TRABD2B: variants seen among roughly 807,000 people sequenced by gnomAD.
The protein encoded by TRABD2B is metalloprotease TIKI2.
In TRABD2B, 14 loss-of-function variants were observed where a neutral mutation model predicts 40.1. The observed-to-expected ratio is 0.35, with a 90% CI of 0.23 to 0.55. The LOEUF (loss-of-function observed/expected upper bound fraction) is 0.55. Ranked by LOEUF, TRABD2B falls within the 20% of genes least tolerant of loss-of-function variation. The pLI, the probability that TRABD2B is intolerant of heterozygous loss-of-function variation, is 0.90. For synonymous variants in TRABD2B, 263 were observed against 277.0 expected, an observed-to-expected ratio of 0.95 and a Z score of 0.50; for missense variants, 541 against 648.6, an observed-to-expected ratio of 0.83 and a Z score of 1.80.
chr1:47,865,380 G>A (rs545791007), intron 2 of TRABD2B, among the ~76,000 whole-genome samples: 27 of 152,088 alleles, frequency 1.8e-4, no homozygotes, highest in Admixed American at 1.6e-3. Context: ...TCGCAGTACT[G>A]ATTTATAGGG....
chr1:47,865,703 G>T (rs1303829856), intron 2 of TRABD2B, among the ~76,000 whole-genome samples: 1 of 152,132 alleles, frequency 6.6e-6, no homozygotes, highest in African/African-American at 2.4e-5. Context: ...TAGACCTGCA[G>T]GTTTCTAATG....
chr1:47,893,087 C>T (rs1207222910), intron 2 of TRABD2B, among the ~76,000 whole-genome samples: 3 of 152,172 alleles, frequency 2.0e-5, no homozygotes, highest in Admixed American at 1.3e-4. Flanking sequence ...TATGTCCAGA[C>T]GCAGTGTCAT....
chr1:47,778,736 T>C (rs1644481464), intron 4 of TRABD2B, among the ~76,000 whole-genome samples, 192 bp from the exon 5 acceptor site: 1 of 152,198 alleles, frequency 6.6e-6, no homozygotes, highest in South Asian at 2.1e-4. Context: ...TGGGTTCAAA[T>C]CCTGGCTCTG....
intron 1 of TRABD2B, among the ~76,000 whole-genome samples, chr1:47,995,676 A>G (rs1247183882): frequency 6.6e-6 from 1 of 152,338 alleles, no homozygotes; most frequent in East Asian, 1.9e-4. Flanking sequence ...AGACCAACTC[A>G]TAACACTTTT....
chr1:47,800,764 T>C (rs992174847), intron 3 of TRABD2B, among the ~76,000 whole-genome samples: 2 of 152,066 alleles, frequency 1.3e-5, no homozygotes, highest in Non-Finnish European at 2.9e-5. Flanking sequence ...CATATGACTA[T>C]GACCAAGTGG....
chr1:47,907,515 T>A (rs971457869), intron 2 of TRABD2B, among the ~76,000 whole-genome samples: 1 of 152,178 alleles, frequency 6.6e-6, no homozygotes, highest in Non-Finnish European at 1.5e-5. Flanking sequence ...GGCTCCAACA[T>A]GAGTTAGGAC....
intron 2 of TRABD2B, among the ~76,000 whole-genome samples, chr1:47,988,705 C>G (rs1203823555): frequency 6.6e-6 from 1 of 152,174 alleles, no homozygotes; most frequent in Non-Finnish European, 1.5e-5. Flanking sequence ...CCTAGGCTCT[C>G]CAAAATATGG....
chr1:47,822,862 G>A (rs1202874538), intron 2 of TRABD2B, among the ~76,000 whole-genome samples: 1 of 152,190 alleles, frequency 6.6e-6, no homozygotes, highest in Non-Finnish European at 1.5e-5. Context: ...CCTGATCCAG[G>A]TGGTCTCGTA....
rs78842410 is a variant in TRABD2B at position 47,878,606 on chromosome 1, C to T, written c.667-76987G>A. Among the ~76,000 whole-genome samples, 8 of 152,250 alleles carry T rather than the reference C, an allele frequency of 5.3e-5. No individual in the cohort carries two copies. The East Asian group carries it at 1.4e-3, about 26-fold the overall frequency. ...AAGCAATAGCATTTATATGACACTACTACATTTTTAAAAATTAAAGGAATG... is the reference window on the plus strand; with the variant it reads ...AAGCAATAGCATTTATATGACACTATTACATTTTTAAAAATTAAAGGAATG... On this transcript the variant is annotated intron_variant, in intron 2 of 6. Coordinates refer to ENST00000606738, the MANE Select transcript of TRABD2B (RefSeq NM_001194986.2).
intron 2 of TRABD2B, among the ~76,000 whole-genome samples, chr1:47,863,157 G>GT (rs1220019099): frequency 6.6e-6 from 1 of 151,586 alleles, no homozygotes; most frequent in Non-Finnish European, 1.5e-5. Context: ...CAGTTTGGTG[G>GT]TGACTTTTTA....
chr1:47,901,934 T>G (rs72898135), intron 2 of TRABD2B, among the ~76,000 whole-genome samples: 3,297 of 152,170 alleles, frequency 0.022, 60 homozygotes, highest in South Asian at 0.06. Flanking sequence ...AACTCACCTG[T>G]GGGGCAAGGA....
At chr1:47,866,993 C>T (rs950762255) in intron 2 of TRABD2B, among the ~76,000 whole-genome samples, 3 of 152,052 alleles carry the variant, frequency 2.0e-5, no homozygotes, top group Admixed American at 6.5e-5. Flanking sequence ...AGGAGGAGGC[C>T]GCCCTACACT....
chr1:47,824,719 G>C (rs1034867833), intron 2 of TRABD2B, among the ~76,000 whole-genome samples: 1 of 152,194 alleles, frequency 6.6e-6, no homozygotes, highest in Non-Finnish European at 1.5e-5. Flanking sequence ...GGTGACATTC[G>C]AGGCTCCTGG....
intron 3 of TRABD2B, among the ~76,000 whole-genome samples, chr1:47,796,657 G>A (rs926203938): frequency 2.0e-5 from 3 of 152,218 alleles, no homozygotes; most frequent in African/African-American, 7.2e-5. Context: ...CTGACTCACC[G>A]CTCTGGGATG....
chr1:47,929,472 AT>A (rs2124757354), intron 2 of TRABD2B, among the ~76,000 whole-genome samples: 1 of 152,252 alleles, frequency 6.6e-6, no homozygotes, highest in South Asian at 2.1e-4. Context: ...CTTGCTCCCC[AT>A]TTCATTCTCA....
At chr1:47,978,193 T>C (rs1367013254) in intron 2 of TRABD2B, among the ~76,000 whole-genome samples, 1 of 152,114 alleles carries the variant, frequency 6.6e-6, no homozygotes, top group African/African-American at 2.4e-5. Flanking sequence ...GAAGGGGCCA[T>C]AGTTCTCCCC....
At chr1:47,836,716 G>T (rs1645323245) in intron 2 of TRABD2B, among the ~76,000 whole-genome samples, 1 of 152,220 alleles carries the variant, frequency 6.6e-6, no homozygotes, top group African/African-American at 2.4e-5. Flanking sequence ...CCTTTGGGAG[G>T]TAATTAGGTT....
chr1:47,831,891 T>C (rs1645254753), intron 2 of TRABD2B, among the ~76,000 whole-genome samples: 1 of 152,138 alleles, frequency 6.6e-6, no homozygotes, highest in Non-Finnish European at 1.5e-5. Context: ...ACTCATTCAA[T>C]GAGATGAGTA....
chr1:47,798,586 C>G (rs1644779301), intron 3 of TRABD2B, among the ~76,000 whole-genome samples: 1 of 152,212 alleles, frequency 6.6e-6, no homozygotes, highest in Admixed American at 6.5e-5. Flanking sequence ...AGGCCTGCAC[C>G]TGTCCTGCCC....
Sources: gnomAD v4.1 joint callset for allele counts (sites outside exome capture counted in the v4.1 genomes callset) on GRCh38, gnomAD v4.1.1 for gene constraint, MANE v1.5 for transcripts, NCBI Gene and HGNC (gene_info 2026-07-23, HGNC 2026-07-21) for gene names.